COX7B2: variants seen among roughly 807,000 people sequenced by gnomAD.
COX7B2 encodes cytochrome c oxidase subunit 7B2, mitochondrial.
For synonymous variants in COX7B2, 37 were observed against 32.1 expected (o/e 1.15, Z -0.51); for missense variants, 109 against 95.9 (o/e 1.14, Z -0.57).
intron 2 of COX7B2, among the ~76,000 whole-genome samples, chr4:46,818,041 G>A (rs1012435454): frequency 6.6e-6 from 1 of 152,168 alleles, no homozygotes; most frequent in African/African-American, 2.4e-5. Context: ...CTTCCAGTGA[G>A]TCTTATTATG....
chr4:46,834,483 G>C (rs1390404350), intron 2 of COX7B2, among the ~76,000 whole-genome samples: 1 of 151,910 alleles, frequency 6.6e-6, no homozygotes, highest in Non-Finnish European at 1.5e-5. Context: ...ATTGTGTATA[G>C]GATAAACATG....
Position 46,843,674 on chromosome 4 carries a change from G to T in COX7B2, c.-50+1286C>A, listed in dbSNP as rs919297008. ...AGTCTACTGCAAACAGTTCACAATTGTAGTTCTGCAAATTATTAAATTTCA... is the reference window on the plus strand; with the variant it reads ...AGTCTACTGCAAACAGTTCACAATTTTAGTTCTGCAAATTATTAAATTTCA... On this transcript the variant is annotated intron_variant, in intron 2 of 2. Coordinates refer to ENST00000355591, the MANE Select transcript of COX7B2 (RefSeq NM_130902.3). Among the ~76,000 whole-genome samples, 16 of 152,074 alleles carry T rather than the reference G, an allele frequency of 1.1e-4. No individual in the cohort carries two copies. In the East Asian group the frequency reaches 2.9e-3, roughly 28 times the overall value.
Position 46,818,048 on chromosome 4 carries a change from T to A in COX7B2, c.-50+26912A>T, listed in dbSNP as rs79998496. ...TGCAGAGGCTTCCAGTGAGTCTTAT[T>A]ATGCTCATTACAAAAGGTAAGTACA... On this transcript the variant is annotated intron_variant, in intron 2 of 2. Coordinates refer to ENST00000355591, the MANE Select transcript of COX7B2 (RefSeq NM_130902.3). Among the ~76,000 whole-genome samples, 221 of 152,326 alleles carry A rather than the reference T, an allele frequency of 1.5e-3. 6 individuals are homozygous for A. In the East Asian group the frequency reaches 0.035, roughly 24 times the overall value.
intron 1 of COX7B2, among the ~76,000 whole-genome samples, chr4:46,863,412 A>G (rs114694415): frequency 1.3e-4 from 20 of 152,332 alleles, no homozygotes; most frequent in African/African-American, 4.6e-4. Context: ...AGTTTGTAAA[A>G]GAAAATTCAT....
At chr4:46,880,130 A>C (rs1273719862) in intron 1 of COX7B2, among the ~76,000 whole-genome samples, 1 of 152,172 alleles carries the variant, frequency 6.6e-6, no homozygotes, top group Admixed American at 6.5e-5. Flanking sequence ...AGGTTCCTTC[A>C]ATATGGTGGC....
At chr4:46,884,861 A>C (rs763826075) in intron 1 of COX7B2, among the ~76,000 whole-genome samples, 1 of 151,122 alleles carries the variant, frequency 6.6e-6, no homozygotes, top group Non-Finnish European at 1.5e-5. Flanking sequence ...ATTGGCTTCA[A>C]ACAATCTATT....
At chr4:46,782,608 C>T (rs1044896752) in intron 2 of COX7B2, among the ~76,000 whole-genome samples, 7 of 152,264 alleles carry the variant, frequency 4.6e-5, no homozygotes, top group Admixed American at 3.9e-4. Flanking sequence ...AAGCTTTGTT[C>T]TTTTGCTCTT....
intron 2 of COX7B2, among the ~76,000 whole-genome samples, chr4:46,752,561 T>A (rs148909639): frequency 6.6e-6 from 1 of 152,286 alleles, no homozygotes; most frequent in South Asian, 2.1e-4. Flanking sequence ...GGGTTTATCA[T>A]AAATAGCTCT....
Position 46,861,796 on chromosome 4 carries a change from A to AC in COX7B2, c.-104-16783dup, listed in dbSNP as rs528794420. Among the ~76,000 whole-genome samples, 960 of 151,816 alleles carry AC rather than the reference A, an allele frequency of 6.3e-3. 8 individuals carry two copies. Among genetic ancestry groups the AC allele is most frequent in the Non-Finnish European group, 0.011 (720 of 67,926 alleles). On this transcript the variant is annotated intron_variant, in intron 1 of 2. Transcript: ENST00000355591. ...GCAGCTGTGCCAGTTTTGCTGGATA[A>AC]CCCCCTCTTAGCTGTTCCTCCTAGA...
intron 2 of COX7B2, among the ~76,000 whole-genome samples, chr4:46,747,342 C>T (rs1303830982): frequency 7.1e-6 from 1 of 141,350 alleles, no homozygotes; most frequent in Non-Finnish European, 1.6e-5. Flanking sequence ...CTCGCTCTGT[C>T]GCCCAGGCTG....
intron 1 of COX7B2, among the ~76,000 whole-genome samples, chr4:46,902,014 C>T (rs1720097643): frequency 6.6e-6 from 1 of 152,214 alleles, no homozygotes; most frequent in Non-Finnish European, 1.5e-5. Flanking sequence ...GACAATTCCC[C>T]TAACAAATCT....
intron 2 of COX7B2, among the ~76,000 whole-genome samples, chr4:46,798,703 A>G (rs953811868): frequency 1.3e-5 from 2 of 152,192 alleles, no homozygotes; most frequent in Admixed American, 1.3e-4. Context: ...GTTGCCCTTC[A>G]TAAACTGGGT....
chr4:46,898,869 T>C (rs1719921240), intron 1 of COX7B2, among the ~76,000 whole-genome samples: 1 of 152,208 alleles, frequency 6.6e-6, no homozygotes, highest in Non-Finnish European at 1.5e-5. Context: ...TGCTCCCTGA[T>C]CATAAAATTA....
intron 2 of COX7B2, among the ~76,000 whole-genome samples, chr4:46,801,539 G>T (rs1251452196): frequency 6.6e-6 from 1 of 152,072 alleles, no homozygotes; most frequent in Non-Finnish European, 1.5e-5. Flanking sequence ...CACAAAGAAG[G>T]GAACGACAGA....
intron 2 of COX7B2, among the ~76,000 whole-genome samples, chr4:46,773,448 C>G (rs187007698): frequency 3.9e-5 from 6 of 152,056 alleles, no homozygotes; most frequent in Non-Finnish European, 7.4e-5. Flanking sequence ...TTTCTGAGGC[C>G]CCCCCAGTCA....
At chr4:46,777,699 G>C (rs142012757) in intron 2 of COX7B2, among the ~76,000 whole-genome samples, 2 of 152,256 alleles carry the variant, frequency 1.3e-5, no homozygotes, top group Non-Finnish European at 2.9e-5. Context: ...AAATGCATAG[G>C]ATTGTCAAAA....
intron 1 of COX7B2, among the ~76,000 whole-genome samples, chr4:46,883,390 T>TA (rs397734429): frequency 2.6e-5 from 4 of 152,028 alleles, no homozygotes; most frequent in Non-Finnish European, 5.9e-5. Flanking sequence ...TATTTTTTTT[T>TA]AATTTTTGCA....
intron 2 of COX7B2, among the ~76,000 whole-genome samples, chr4:46,838,332 T>C (rs1715676987): frequency 6.6e-6 from 1 of 152,094 alleles, no homozygotes; most frequent in African/African-American, 2.4e-5. Context: ...TGATCTAATA[T>C]ATATTTCTAT....
chr4:46,734,836 A>T lies in COX7B2; in HGVS notation c.*111T>A, dbSNP rs11736008. ...GACCATTTGCAATGACTTTTTAAAG[A>T]TTTAAAACACATTTTATTTTTTCAA... On this transcript the variant is annotated 3_prime_UTR_variant, in exon 3 of 3. Coordinates refer to ENST00000355591, the MANE Select transcript of COX7B2 (RefSeq NM_130902.3). 0.15 allele frequency: 198,513 copies of T among 1,309,544 alleles called. 17,735 individuals carry two copies. The highest frequency in any genetic ancestry group is 0.35 in the Admixed American group (16,810 of 47,974). 81.1% of individuals were successfully genotyped at this position (1,309,544 alleles called of 1,614,324 possible).
Sources: allele counts gnomAD v4.1 joint callset (sites outside exome capture counted in the v4.1 genomes callset), GRCh38; gene constraint gnomAD v4.1.1; transcripts MANE v1.5; gene names NCBI Gene and HGNC (gene_info 2026-07-23, HGNC 2026-07-21).